The following ZCCHC4 variants were observed in gnomAD, a reference collection of about 807,000 sequenced individuals.
The protein encoded by ZCCHC4 is rRNA N(6)-adenosine-methyltransferase ZCCHC4.
Under a neutral mutation model 67.7 loss-of-function variants are expected in ZCCHC4, and 54 were observed. The ratio of observed to expected loss-of-function variants is 0.80; its 90% confidence interval spans 0.64 to 1.00. ZCCHC4 has a LOEUF of 1.00. ZCCHC4 is among the 50% of genes least tolerant of loss of function. The pLI is 0.00. For missense variants in ZCCHC4, 609 were observed against 617.0 expected, an observed-to-expected ratio of 0.99 and a Z score of 0.14; for synonymous variants, 198 against 213.5, an observed-to-expected ratio of 0.93 and a Z score of 0.63.
chr4:25,320,304 A>C (rs190376731), intron 3 of ZCCHC4, among the ~76,000 whole-genome samples: 2 of 152,312 alleles, frequency 1.3e-5, no homozygotes, highest in Non-Finnish European at 2.9e-5. Flanking sequence ...TTAAATGCTA[A>C]AATCAGCATT....
chr4:25,314,920 A>C (rs376859727), intron 2 of ZCCHC4, among the ~76,000 whole-genome samples: 12 of 152,332 alleles, frequency 7.9e-5, no homozygotes, highest in Admixed American at 2.0e-4. Context: ...TTAGAGATAT[A>C]GTCATGAGCT....
intron 8 of ZCCHC4, among the ~76,000 whole-genome samples, chr4:25,354,394 A>G (rs952480820): frequency 3.3e-5 from 5 of 152,202 alleles, no homozygotes; most frequent in Admixed American, 6.5e-5. Context: ...CAGTCTTCTC[A>G]ATAAAGAGAA....
intron 3 of ZCCHC4, among the ~76,000 whole-genome samples, chr4:25,322,709 G>A (rs966610679): frequency 6.6e-6 from 1 of 151,930 alleles, no homozygotes; most frequent in African/African-American, 2.4e-5. Context: ...GTAGAGATGG[G>A]GTTTTGCCAT....
At chr4:25,339,176 A>G (rs944240623) in intron 5 of ZCCHC4, among the ~76,000 whole-genome samples, 2 of 152,188 alleles carry the variant, frequency 1.3e-5, no homozygotes, top group African/African-American at 4.8e-5. Context: ...TAAGGCTCAC[A>G]CTAATGGCCT....
intron 9 of ZCCHC4, 106 bp from the exon 10 acceptor site, chr4:25,362,120 G>T: frequency 2.8e-6 from 4 of 1,440,708 alleles, no homozygotes; most frequent in Non-Finnish European, 3.8e-6. Context: ...ATACTTAATT[G>T]AATTCAGATT....
intron 3 of ZCCHC4, among the ~76,000 whole-genome samples, chr4:25,331,820 A>C (rs1165567942): frequency 6.6e-6 from 1 of 152,232 alleles, no homozygotes; most frequent in African/African-American, 2.4e-5. Context: ...AACAGTTATC[A>C]TAGAAATAGA....
intron 3 of ZCCHC4, among the ~76,000 whole-genome samples, chr4:25,330,219 GACCTCAGGT>G (rs1719108146): frequency 6.6e-6 from 1 of 152,078 alleles, no homozygotes; most frequent in African/African-American, 2.4e-5. Context: ...TCAAACTCCT[GACCTCAGGT>G]GATCCACTGA....
At chr4:25,314,779 G>C (rs1469642853) in intron 2 of ZCCHC4, among the ~76,000 whole-genome samples, 1 of 152,188 alleles carries the variant, frequency 6.6e-6, no homozygotes, top group Non-Finnish European at 1.5e-5. Context: ...TCAGTCGATA[G>C]CACCGTTGGC....
intron 3 of ZCCHC4, among the ~76,000 whole-genome samples, chr4:25,319,890 T>C (rs929767104): frequency 2.0e-5 from 3 of 152,196 alleles, no homozygotes; most frequent in Non-Finnish European, 4.4e-5. Context: ...AACTTTATAC[T>C]GATTCTTAAA....
At chr4:25,338,455 T>C (rs1719575171) in intron 5 of ZCCHC4, among the ~76,000 whole-genome samples, 1 of 152,246 alleles carries the variant, frequency 6.6e-6, no homozygotes, top group African/African-American at 2.4e-5. Flanking sequence ...TTTCAGTATA[T>C]TCACATGGTT....
In ZCCHC4 at chr4:25,364,516, A is replaced by G; in HGVS notation, c.1261+11A>G. The G allele has an allele frequency of 6.4e-7, 1 of 1,555,390 alleles. No individual in the cohort carries two copies. The highest frequency in any genetic ancestry group is 8.7e-7 in the Non-Finnish European group (1 of 1,155,406). On this transcript the variant is annotated intron_variant, in intron 11 of 12. Transcript: ENST00000302874. ...AGTGTGTAAAGCCTTGTAAGTATTG[A>G]GACTTAGTGTTTGAGATCCTATGAA...
At chr4:25,350,313 T>C (rs1295576679) in intron 7 of ZCCHC4, among the ~76,000 whole-genome samples, 2 of 138,190 alleles carry the variant, frequency 1.4e-5, no homozygotes, top group African/African-American at 5.7e-5. Context: ...CAGTCTGGAG[T>C]GCAGTGGTAC....
intron 5 of ZCCHC4, among the ~76,000 whole-genome samples, chr4:25,339,287 C>G (rs316784): frequency 0.23 from 35,175 of 152,026 alleles, 5,225 homozygotes; most frequent in African/African-American, 0.42. Flanking sequence ...GGGGGTGAAA[C>G]AGTTCAGCCC....
At chr4:25,321,552 T>C (rs1378268972) in intron 3 of ZCCHC4, among the ~76,000 whole-genome samples, 1 of 151,978 alleles carries the variant, frequency 6.6e-6, no homozygotes. Flanking sequence ...TTTGTATTTT[T>C]AGTAGAGACA....
rs200632828 is a variant in ZCCHC4, at chr4:25,351,710, T to C, written c.1011+21T>C. The C allele has an allele frequency of 2.6e-6, 4 of 1,565,464 alleles. No homozygotes were observed. In the African/African-American group the frequency reaches 4.1e-5, roughly 16 times the overall value. ...ACCAGGTAGAGTACATATTCTGTTT[T>C]CTGGCATGGTTGGGGAATGGAGATT... On this transcript the variant is annotated intron_variant, in intron 8 of 12. Transcript: ENST00000302874.
At chr4:25,352,079 A>G (rs1720326994) in intron 8 of ZCCHC4, 2 of 990,826 alleles carry the variant, frequency 2.0e-6, no homozygotes, top group African/African-American at 1.7e-5. Flanking sequence ...TTCAGGGCAT[A>G]TAGAAAAGTA....
In ZCCHC4 at chr4:25,369,360, C is replaced by A; in HGVS notation, c.*196C>A. The A allele has an allele frequency of 1.6e-6, 1 of 608,850 alleles. No individual in the cohort carries two copies. The highest frequency in any genetic ancestry group is 2.7e-6 in the Non-Finnish European group (1 of 363,940). 37.7% of individuals were successfully genotyped at this position (608,850 alleles called of 1,614,324 possible). ...GAGACATGGGGAGTTGTTCCATCTTCAGCCAGTTTACTAGTTCTTTCAGCA... is the reference window on the plus strand; with the variant it reads ...GAGACATGGGGAGTTGTTCCATCTTAAGCCAGTTTACTAGTTCTTTCAGCA... On this transcript the variant is annotated 3_prime_UTR_variant, in exon 13 of 13. Coordinates refer to ENST00000302874, the MANE Select transcript of ZCCHC4 (RefSeq NM_024936.3).
chr4:25,329,569 T>C (rs1719072417), intron 3 of ZCCHC4, among the ~76,000 whole-genome samples: 1 of 144,674 alleles, frequency 6.9e-6, no homozygotes, highest in African/African-American at 2.5e-5. Flanking sequence ...AGAGTCTCGC[T>C]CTGTCACCAG....
In ZCCHC4 at chr4:25,368,737, A is replaced by G. The variant is rs117665981; in HGVS notation, c.1407-292A>G. 2.5e-3 allele frequency among the ~76,000 whole-genome samples: 385 copies of G among 152,330 alleles called. 6 individuals are homozygous for G. The East Asian group carries it at 0.048, about 19-fold the overall frequency. On this transcript the variant is annotated intron_variant, in intron 12 of 12. Coordinates refer to ENST00000302874, the MANE Select transcript of ZCCHC4 (RefSeq NM_024936.3). ...ACAAAAAACTTTTTTAAAAAGTCCA[A>G]TCTCACTAGCTTTGCATTTACCTCT...
Sources: gnomAD v4.1 joint callset for allele counts (sites outside exome capture counted in the v4.1 genomes callset) on GRCh38, gnomAD v4.1.1 for gene constraint, MANE v1.5 for transcripts, NCBI Gene and HGNC (gene_info 2026-07-23, HGNC 2026-07-21) for gene names.